The following TMTC2 variants were observed in gnomAD, a reference collection of about 807,000 sequenced individuals.
TMTC2 encodes the protein protein O-mannosyl-transferase TMTC2.
TMTC2 carries 43 observed loss-of-function variants against 82.4 expected under a neutral mutation model. That is an observed-to-expected ratio of 0.52 (90% confidence interval 0.41 to 0.67). The LOEUF (loss-of-function observed/expected upper bound fraction) is 0.67. TMTC2 is among the 30% of genes least tolerant of loss of function. The pLI is 0.00. For synonymous variants in TMTC2, 408 were observed against 381.9 expected (o/e 1.07, Z -0.80); for missense variants, 919 against 1,012.4 (o/e 0.91, Z 1.25).
At chr12:83,032,355 CTATTT>C (rs1881475941) in intron 9 of TMTC2, among the ~76,000 whole-genome samples, 1 of 148,820 alleles carries the variant, frequency 6.7e-6, no homozygotes, top group Non-Finnish European at 1.5e-5. Flanking sequence ...TGCAATTTCA[CTATTT>C]TATTAATTTT....
In TMTC2 at chr12:82,687,570, G is replaced by T; in HGVS notation, c.-17G>T. 1 of 1,590,342 alleles carries T rather than the reference G, an allele frequency of 6.3e-7. No homozygotes were observed. The highest frequency in any genetic ancestry group is 8.5e-7 in the Non-Finnish European group (1 of 1,170,020). On this transcript the variant is annotated 5_prime_UTR_variant, in exon 1 of 12. It adds an upstream start codon to the 5' untranslated region. Coordinates refer to ENST00000321196, the MANE Select transcript of TMTC2 (RefSeq NM_152588.3). Reference sequence around the variant, plus strand: ...CCCTCGCGCTGGGAGCCGAGCCGGAGGGAAGGCGGTGGAGAGATGATTGCA... The same window carrying T: ...CCCTCGCGCTGGGAGCCGAGCCGGATGGAAGGCGGTGGAGAGATGATTGCA...
intron 11 of TMTC2, among the ~76,000 whole-genome samples, chr12:83,111,094 C>T (rs1302982028): frequency 1.3e-5 from 2 of 152,206 alleles, no homozygotes; most frequent in Non-Finnish European, 1.5e-5. Flanking sequence ...TTACCATCAC[C>T]ACTGACCTAT....
At chr12:83,092,736 A>G (rs1883884301) in intron 11 of TMTC2, among the ~76,000 whole-genome samples, 1 of 152,206 alleles carries the variant, frequency 6.6e-6, no homozygotes. Context: ...GGAATGTTTT[A>G]TCATTTGTCT....
intron 2 of TMTC2, among the ~76,000 whole-genome samples, chr12:82,864,791 G>A (rs182399228): frequency 2.0e-4 from 31 of 151,454 alleles, no homozygotes; most frequent in African/African-American, 5.1e-4. Flanking sequence ...GTGAGCCACC[G>A]CGCCCGGCCT....
rs542615353 is a variant in TMTC2, at chr12:82,779,894, G to A, written c.84-77116G>A. ...AGCCTGGGCAACAGAGCGAGACTCC[G>A]TCTCAAAAAAAAAATAGCCATAGTT... is the stretch of plus-strand genomic sequence containing the variant. On this transcript the variant is annotated intron_variant, in intron 1 of 11. Coordinates refer to ENST00000321196, the MANE Select transcript of TMTC2 (RefSeq NM_152588.3). Among the ~76,000 whole-genome samples the A allele has an allele frequency of 4.0e-4, 61 of 151,958 alleles. 1 individual carries two copies. Among genetic ancestry groups the A allele is most frequent in the African/African-American group, 1.3e-3 (52 of 41,488 alleles).
intron 3 of TMTC2, among the ~76,000 whole-genome samples, chr12:82,909,083 G>A (rs1874482550): frequency 6.6e-6 from 1 of 152,094 alleles, no homozygotes; most frequent in African/African-American, 2.4e-5. Context: ...CCTATTTTCT[G>A]TTTGTCCAAA....
At chr12:83,017,475 A>G (rs1207589164) in intron 8 of TMTC2, among the ~76,000 whole-genome samples, 1 of 152,182 alleles carries the variant, frequency 6.6e-6, no homozygotes, top group African/African-American at 2.4e-5. Flanking sequence ...TCTACCTTTG[A>G]TGTGCACCGT....
chr12:82,800,762 G>C lies in TMTC2; in HGVS notation c.84-56248G>C, dbSNP rs891554981. Among the ~76,000 whole-genome samples the C allele has an allele frequency of 1.3e-5, 2 of 152,044 alleles. 1 individual carries two copies. Among genetic ancestry groups the C allele is most frequent in the Admixed American group, 1.3e-4 (2 of 15,264 alleles). On this transcript the variant is annotated intron_variant, in intron 1 of 11. Transcript: ENST00000321196. ...TAGGGAGACAACAGGGTTTGTCCTT[G>C]TCGATTTTTAACTGGTAGAGTCAAA...
At chr12:83,109,030 C>T (rs917777146) in intron 11 of TMTC2, among the ~76,000 whole-genome samples, 2 of 152,278 alleles carry the variant, frequency 1.3e-5, no homozygotes, top group Admixed American at 1.3e-4. Context: ...CAGATAATCT[C>T]TCATTCCCCA....
chr12:83,110,430 C>T (rs1327895446), intron 11 of TMTC2, among the ~76,000 whole-genome samples: 4 of 151,968 alleles, frequency 2.6e-5, no homozygotes, highest in African/African-American at 9.7e-5. Flanking sequence ...CCTCTAGATA[C>T]CCCTTCTCTC....
intron 2 of TMTC2, among the ~76,000 whole-genome samples, chr12:82,864,014 A>G (rs773209676): frequency 1.3e-5 from 2 of 152,034 alleles, no homozygotes; most frequent in Non-Finnish European, 2.9e-5. Context: ...TTTGAGTAGA[A>G]CCTTGCAGGG....
intron 11 of TMTC2, among the ~76,000 whole-genome samples, chr12:83,090,749 A>G (rs1883819668): frequency 6.6e-6 from 1 of 152,100 alleles, no homozygotes; most frequent in South Asian, 2.1e-4. Flanking sequence ...CTGCACAGTG[A>G]TATTTCTAAA....
rs1158431834 is a variant in TMTC2, at chr12:82,702,374, C to T, written c.83+14705C>T. ...ACTTTTGGTTCTTGTTGGATAGCAG[C>T]CTAGTTTTCTCTAATCCACATCTGT... On this transcript the variant is annotated intron_variant, in intron 1 of 11. Transcript: ENST00000321196. Among the ~76,000 whole-genome samples, 5 of 152,120 alleles carry T rather than the reference C, an allele frequency of 3.3e-5. 1 individual carries two copies. Among genetic ancestry groups the T allele is most frequent in the Non-Finnish European group, 5.9e-5 (4 of 68,032 alleles).
chr12:83,015,328 A>T (rs918520082), intron 8 of TMTC2, among the ~76,000 whole-genome samples: 4 of 152,172 alleles, frequency 2.6e-5, no homozygotes, highest in African/African-American at 9.7e-5. Flanking sequence ...TGTCAAATTG[A>T]CTAAACTGCC....
intron 4 of TMTC2, among the ~76,000 whole-genome samples, chr12:82,945,369 G>A (rs1164305735): frequency 6.6e-6 from 1 of 152,116 alleles, no homozygotes; most frequent in Admixed American, 6.5e-5. Flanking sequence ...CTCATTAAAA[G>A]GCCTTTAATT....
chr12:83,121,693 C>T (rs929687557), intron 11 of TMTC2, among the ~76,000 whole-genome samples: 3 of 151,904 alleles, frequency 2.0e-5, no homozygotes, highest in Admixed American at 6.6e-5. Context: ...GAGGAACAGG[C>T]GGTGTGTGGG....
chr12:82,864,734 C>G (rs575874544), intron 2 of TMTC2, among the ~76,000 whole-genome samples: 129 of 151,628 alleles, frequency 8.5e-4, no homozygotes, highest in African/African-American at 3.0e-3. Context: ...ATCTCTTGAC[C>G]TTGTGATCCG....
At chr12:82,976,796 T>A (rs1234654565) in intron 7 of TMTC2, among the ~76,000 whole-genome samples, 1 of 152,008 alleles carries the variant, frequency 6.6e-6, no homozygotes, top group Non-Finnish European at 1.5e-5. Flanking sequence ...TTCTAATGCT[T>A]CTCAACACTG....
chr12:83,004,156 G>GT (rs1880047870), intron 8 of TMTC2, among the ~76,000 whole-genome samples: 3 of 152,186 alleles, frequency 2.0e-5, no homozygotes, highest in African/African-American at 7.2e-5. Flanking sequence ...TTGCCCTGTT[G>GT]TGTTGTTAAT....
Sources: gnomAD v4.1 joint callset for allele counts (sites outside exome capture counted in the v4.1 genomes callset) on GRCh38, gnomAD v4.1.1 for gene constraint, MANE v1.5 for transcripts, NCBI Gene and HGNC (gene_info 2026-07-23, HGNC 2026-07-21) for gene names.